Variants in TRHDE observed in about 807,000 individuals in gnomAD.
TRHDE encodes thyrotropin-releasing hormone-degrading ectoenzyme.
In TRHDE, 72 loss-of-function variants were observed where a neutral mutation model predicts 125.7. The observed-to-expected ratio is 0.57, with a 90% CI of 0.47 to 0.70. TRHDE has a LOEUF of 0.70. Ranked by LOEUF, TRHDE falls within the 30% of genes least tolerant of loss-of-function variation. The probability of loss-of-function intolerance (pLI) is 0.00; values close to 1 mark genes in which losing one functional copy is unlikely to be tolerated. For missense variants in TRHDE, 1,110 were observed against 1,327.1 expected, an observed-to-expected ratio of 0.84 and a Z score of 2.54; for synonymous variants, 509 against 509.1, an observed-to-expected ratio of 1.00 and a Z score of 0.00.
At chr12:72,406,125 A>G (rs912390505) in intron 3 of TRHDE, among the ~76,000 whole-genome samples, 2 of 152,198 alleles carry the variant, frequency 1.3e-5, no homozygotes, top group African/African-American at 4.8e-5. Context: ...ATAAAATAAT[A>G]TGCTGTATTA....
At chr12:72,187,614 G>T (rs544372626) in intron 2 of TRHDE, among the ~76,000 whole-genome samples, 1 of 152,182 alleles carries the variant, frequency 6.6e-6, no homozygotes, top group Non-Finnish European at 1.5e-5. Flanking sequence ...CTCAAATGGG[G>T]TGAGAGATGT....
At chr12:72,093,295 T>G (rs560900928) in intron 1 of TRHDE, among the ~76,000 whole-genome samples, 83 of 152,342 alleles carry the variant, frequency 5.4e-4, no homozygotes, top group African/African-American at 2.0e-3. Flanking sequence ...TAATTTGTCT[T>G]GCAGTGTTCT....
intron 3 of TRHDE, among the ~76,000 whole-genome samples, chr12:72,386,877 T>A (rs912941461): frequency 6.6e-6 from 1 of 152,154 alleles, no homozygotes; most frequent in African/African-American, 2.4e-5. Flanking sequence ...AACACTTTTT[T>A]TCTGTTTTGT....
At chr12:72,128,356 T>C (rs944246550) in intron 2 of TRHDE, among the ~76,000 whole-genome samples, 6 of 151,956 alleles carry the variant, frequency 3.9e-5, no homozygotes, top group Admixed American at 2.6e-4. Context: ...ACAACATTCA[T>C]AGAAACACAA....
chr12:72,144,015 A>G (rs887274202), intron 2 of TRHDE, among the ~76,000 whole-genome samples: 2 of 152,350 alleles, frequency 1.3e-5, no homozygotes, highest in Admixed American at 1.3e-4. Flanking sequence ...AAAGATGAAC[A>G]CTGCTTTTAA....
chr12:72,282,305 A>T (rs1444212161), intron 1 of TRHDE, among the ~76,000 whole-genome samples: 1 of 152,054 alleles, frequency 6.6e-6, no homozygotes, highest in Admixed American at 6.6e-5. Context: ...TATATTTATT[A>T]TACTTGGTAT....
chr12:72,191,172 C>T (rs184473745), intron 2 of TRHDE, among the ~76,000 whole-genome samples: 1 of 152,276 alleles, frequency 6.6e-6, no homozygotes, highest in East Asian at 1.9e-4. Context: ...AGACAAAAAC[C>T]TTTATAGAAT....
intron 7 of TRHDE, among the ~76,000 whole-genome samples, chr12:72,555,376 A>T (rs1869871560): frequency 6.6e-6 from 1 of 152,068 alleles, no homozygotes; most frequent in Non-Finnish European, 1.5e-5. Context: ...TTTCATGTCC[A>T]GTGGCTTGAA....
At chr12:72,482,268 C>T (rs1272336264) in intron 5 of TRHDE, among the ~76,000 whole-genome samples, 1 of 151,400 alleles carries the variant, frequency 6.6e-6, no homozygotes, top group African/African-American at 2.4e-5. Flanking sequence ...TTTTTATTGG[C>T]TCTTAGCTGA....
intron 6 of TRHDE, among the ~76,000 whole-genome samples, chr12:72,518,610 C>T (rs1412718909): frequency 2.6e-5 from 4 of 152,070 alleles, no homozygotes; most frequent in East Asian, 1.9e-4. Flanking sequence ...ATTTCCCAGT[C>T]TGTGTCTTTT....
At chr12:72,151,020 G>A (rs2139321120) in intron 2 of TRHDE, among the ~76,000 whole-genome samples, 1 of 152,280 alleles carries the variant, frequency 6.6e-6, no homozygotes, top group South Asian at 2.1e-4. Context: ...CACCAACAGT[G>A]TAAAAGTGTT....
chr12:72,468,408 T>G (rs1210043948), intron 3 of TRHDE, among the ~76,000 whole-genome samples: 3 of 152,244 alleles, frequency 2.0e-5, no homozygotes, highest in Non-Finnish European at 2.9e-5. Flanking sequence ...TTAAAAGCAC[T>G]TAATTTTCTC....
chr12:72,470,698 A>G (rs548221952), intron 4 of TRHDE, among the ~76,000 whole-genome samples: 21 of 152,216 alleles, frequency 1.4e-4, no homozygotes, highest in Admixed American at 3.9e-4. Flanking sequence ...TGTGATTTCA[A>G]TAAATTATAA....
At chr12:72,311,511 A>G (rs1197923007) in intron 2 of TRHDE, among the ~76,000 whole-genome samples, 1 of 152,194 alleles carries the variant, frequency 6.6e-6, no homozygotes, top group Non-Finnish European at 1.5e-5. Context: ...TTGAAAATCC[A>G]GCAAAAGGAA....
At position 72,273,801 on chromosome 12, in the gene TRHDE, C is replaced by G; in HGVS notation, c.914+244C>G. 1 of 497,072 alleles carries G rather than the reference C, an allele frequency of 2.0e-6. No individual in the cohort carries two copies. Among genetic ancestry groups the G allele is most frequent in the Non-Finnish European group, 3.6e-6 (1 of 278,080 alleles). The allele number at this position is 497,072 out of a possible 1,614,324, so 30.8% of individuals were successfully genotyped here. On this transcript the variant is annotated intron_variant, in intron 1 of 18. Coordinates refer to ENST00000261180, the MANE Select transcript of TRHDE (RefSeq NM_013381.3). The surrounding 1 kb of genome is among the most constrained non-coding windows in gnomAD (Gnocchi z 5.3). ...CAAAAGATGAATGCTGCCCCCTCCT[C>G]TAGTCGGGACCTCTCCTCTTCCTGT... is the stretch of plus-strand genomic sequence containing the variant.
At chr12:72,621,782 ATTAT>A (rs1309280492) in intron 15 of TRHDE, 31 bp downstream of exon 15, 1 of 1,493,204 alleles carries the variant, frequency 6.7e-7, no homozygotes, top group Admixed American at 1.9e-5. Context: ...TATTTCTGAT[ATTAT>A]TTAATAGTGC....
intron 2 of TRHDE, among the ~76,000 whole-genome samples, chr12:72,374,304 T>TGTGTGC (rs898527007): frequency 1.3e-5 from 2 of 148,514 alleles, no homozygotes; most frequent in Admixed American, 1.3e-4. Context: ...TGTGTGTGTG[T>TGTGTGC]GTGTGTGTGT....
At chr12:72,617,835 T>C (rs943334845) in intron 12 of TRHDE, among the ~76,000 whole-genome samples, 1 of 152,130 alleles carries the variant, frequency 6.6e-6, no homozygotes, top group African/African-American at 2.4e-5. Flanking sequence ...GGAACCTCTT[T>C]AATAAGGGCA....
At chr12:72,507,900 T>C (rs1878423626) in intron 6 of TRHDE, among the ~76,000 whole-genome samples, 1 of 152,186 alleles carries the variant, frequency 6.6e-6, no homozygotes, top group Admixed American at 6.5e-5. Flanking sequence ...GCACCCTGCA[T>C]TGTGGCTGCC....
Sources: gnomAD v4.1 joint callset for allele counts (sites outside exome capture counted in the v4.1 genomes callset) on GRCh38, gnomAD v4.1.1 for gene constraint, Gnocchi (gnomAD v3.1) non-coding constraint, MANE v1.5 for transcripts, NCBI Gene and HGNC (gene_info 2026-07-23, HGNC 2026-07-21) for gene names.